Variants in CCDC171 observed in about 807,000 individuals in gnomAD.
The protein encoded by CCDC171 is coiled-coil domain-containing protein 171.
Under a neutral mutation model 168.2 loss-of-function variants are expected in CCDC171, and 177 were observed. That is an observed-to-expected ratio of 1.05 (90% CI 0.93 to 1.19). The LOEUF (loss-of-function observed/expected upper bound fraction) is 1.19. Among genes scored for constraint, CCDC171 ranks in the 50% most tolerant of loss-of-function variants. The pLI, the probability that CCDC171 is intolerant of heterozygous loss-of-function variation, is 0.00. For missense variants in CCDC171, 1,991 were observed against 1,539.0 expected (o/e 1.29, Z -4.91); for synonymous variants, 687 against 540.8 (o/e 1.27, Z -3.75).
intron 1 of CCDC171, among the ~76,000 whole-genome samples, chr9:15,563,009 C>T (rs1053174311): frequency 1.3e-5 from 2 of 152,080 alleles, no homozygotes; most frequent in Non-Finnish European, 2.9e-5. Context: ...TAATAACCCT[C>T]ACGTAAGATA....
intron 8 of CCDC171, among the ~76,000 whole-genome samples, chr9:15,657,576 C>G (rs2048032416): frequency 6.6e-6 from 1 of 152,048 alleles, no homozygotes; most frequent in South Asian, 2.1e-4. Flanking sequence ...GGATGGATTT[C>G]TTTTTGAGAA....
chr9:15,840,842 A>G (rs144445474), intron 21 of CCDC171, among the ~76,000 whole-genome samples: 78 of 152,134 alleles, frequency 5.1e-4, no homozygotes, highest in African/African-American at 1.9e-3. Flanking sequence ...TTATACATTT[A>G]GTCTATCACA....
At chr9:15,927,548 A>G (rs145128765) in intron 25 of CCDC171, among the ~76,000 whole-genome samples, 6 of 151,874 alleles carry the variant, frequency 4.0e-5, no homozygotes, top group Non-Finnish European at 8.8e-5. Context: ...TTTTAATTTT[A>G]TAGGACTTTA....
intron 6 of CCDC171, among the ~76,000 whole-genome samples, chr9:16,030,402 G>A (rs1366693982): frequency 6.6e-6 from 1 of 152,080 alleles, no homozygotes; most frequent in Admixed American, 6.6e-5. Flanking sequence ...TTGTTGTTTA[G>A]ATATAAAAAT....
chr9:15,985,321 C>G (rs1831952321), intron 3 of CCDC171, among the ~76,000 whole-genome samples: 1 of 152,152 alleles, frequency 6.6e-6, no homozygotes, highest in South Asian at 2.1e-4. Context: ...GATACATTTG[C>G]AGGTATGAAC....
intron 24 of CCDC171, among the ~76,000 whole-genome samples, chr9:15,881,840 A>G (rs979650044): frequency 6.6e-6 from 1 of 152,168 alleles, no homozygotes; most frequent in African/African-American, 2.4e-5. Context: ...CATTTTCTTT[A>G]TTCATTTATT....
chr9:15,857,854 T>C (rs556425501), intron 23 of CCDC171, among the ~76,000 whole-genome samples: 1 of 152,104 alleles, frequency 6.6e-6, no homozygotes, highest in East Asian at 1.9e-4. Context: ...TGGATTTATT[T>C]CTGGGCTTTC....
At chr9:15,607,940 G>T (rs920806454) in intron 6 of CCDC171, among the ~76,000 whole-genome samples, 3 of 152,130 alleles carry the variant, frequency 2.0e-5, no homozygotes, top group African/African-American at 7.2e-5. Context: ...TAAAGAAAAA[G>T]AATTTATTCT....
chr9:15,900,411 A>G (rs535496385), intron 24 of CCDC171, among the ~76,000 whole-genome samples: 2 of 152,316 alleles, frequency 1.3e-5, no homozygotes, highest in East Asian at 3.9e-4. Context: ...CACAATGGCA[A>G]GTAAGTGAAT....
chr9:15,931,426 A>AAAT (rs1301220312), intron 25 of CCDC171, among the ~76,000 whole-genome samples: 19 of 130,060 alleles, frequency 1.5e-4, no homozygotes, highest in Middle Eastern at 4.0e-3. Context: ...GCCTATTTTT[A>AAAT]AATTGGGGTC....
At chr9:15,566,294 A>G (rs1419813858) in intron 2 of CCDC171, among the ~76,000 whole-genome samples, 1 of 152,004 alleles carries the variant, frequency 6.6e-6, no homozygotes, top group Non-Finnish European at 1.5e-5. Flanking sequence ...GCAGTAACTC[A>G]TGCCTGTAAT....
intron 3 of CCDC171, among the ~76,000 whole-genome samples, chr9:15,984,990 G>T (rs905057986): frequency 6.6e-6 from 1 of 151,974 alleles, no homozygotes; most frequent in African/African-American, 2.4e-5. Flanking sequence ...ATCTATGTTG[G>T]TACATATATG....
At chr9:15,787,615 C>G (rs1038079188) in intron 21 of CCDC171, among the ~76,000 whole-genome samples, 3 of 152,080 alleles carry the variant, frequency 2.0e-5, no homozygotes, top group African/African-American at 7.2e-5. Context: ...ACGCACATAT[C>G]TGTGATTATT....
the CCDC171 span, among the ~76,000 whole-genome samples, chr9:16,082,717 A>T: frequency 6.6e-6 from 1 of 152,216 alleles, no homozygotes; most frequent in African/African-American, 2.4e-5. Context: ...AAACATCTTA[A>T]GAGATGTGGT....
At chr9:15,634,232 T>A (rs1022211595) in intron 7 of CCDC171, among the ~76,000 whole-genome samples, 11 of 151,930 alleles carry the variant, frequency 7.2e-5, no homozygotes, top group Non-Finnish European at 1.0e-4. Flanking sequence ...ATAATTTAAA[T>A]TTTTTTTAAC....
rs753020230 is a variant in CCDC171 at position 15,564,108 on chromosome 9, G to A, written c.20G>A (p.Ser7Asn). 12 of 1,607,602 alleles carry A rather than the reference G, an allele frequency of 7.5e-6. No homozygotes were observed. In the South Asian group the frequency reaches 1.1e-4, roughly 15 times the overall value. Residue 7 changes from serine to asparagine, a missense_variant, in exon 2 of 26, where the codon AGT (serine) becomes AAT (asparagine). Coordinates refer to ENST00000380701, the MANE Select transcript of CCDC171 (RefSeq NM_173550.4). The part of the protein sequence containing the change: MNLNTS[S>N]NTGDTQRLKI... The stretch of plus-strand genomic sequence containing the variant: ...AACATCATGAATTTGAATACTTCAA[G>A]TAATACTGGTGATACCCAAAGGTAA...
intron 21 of CCDC171, among the ~76,000 whole-genome samples, chr9:15,812,933 C>T (rs762690570): frequency 2.6e-5 from 4 of 152,156 alleles, no homozygotes; most frequent in Admixed American, 1.3e-4. Context: ...ATTTGGACCT[C>T]GTGGTAACTA....
At chr9:16,086,501 T>C in the CCDC171 span, among the ~76,000 whole-genome samples, 1 of 152,028 alleles carries the variant, frequency 6.6e-6, no homozygotes, top group Admixed American at 6.6e-5. Flanking sequence ...AGAGATGGGG[T>C]TTCATCACAT....
At chr9:15,950,900 A>G (rs1229739031) in intron 25 of CCDC171, among the ~76,000 whole-genome samples, 2 of 151,508 alleles carry the variant, frequency 1.3e-5, no homozygotes, top group South Asian at 2.1e-4. Context: ...AGAGACACAC[A>G]TAGGCTCAAA....
Sources: gnomAD v4.1 joint callset for allele counts (sites outside exome capture counted in the v4.1 genomes callset) on GRCh38, gnomAD v4.1.1 for gene constraint, MANE v1.5 for transcripts, NCBI Gene and HGNC (gene_info 2026-07-23, HGNC 2026-07-21) for gene names.